Variants in SPOCK3 observed in about 807,000 individuals in gnomAD.
SPOCK3 encodes the protein SPARC (osteonectin), cwcv and kazal like domains proteoglycan 3.
Under a neutral mutation model 56.6 loss-of-function variants are expected in SPOCK3, and 30 were observed. That is an observed-to-expected ratio of 0.53 (90% CI 0.40 to 0.72). The LOEUF (loss-of-function observed/expected upper bound fraction) is 0.72, where lower values mean the gene tolerates loss of function less well. Ranked by LOEUF, SPOCK3 falls within the 30% of genes least tolerant of loss-of-function variation. SPOCK3 has a pLI of 0.00. For missense variants in SPOCK3, 527 were observed against 530.0 expected (o/e 0.99, Z 0.06); for synonymous variants, 196 against 183.3 (o/e 1.07, Z -0.56).
intron 2 of SPOCK3, among the ~76,000 whole-genome samples, chr4:167,188,712 C>A (rs951819569): frequency 6.9e-6 from 1 of 145,846 alleles, no homozygotes; most frequent in Admixed American, 7.0e-5. Context: ...TGTTAAACAT[C>A]CACCAGATTT....
At chr4:166,896,557 G>A (rs939549639) in intron 5 of SPOCK3, among the ~76,000 whole-genome samples, 24 of 152,170 alleles carry the variant, frequency 1.6e-4, no homozygotes, top group African/African-American at 2.9e-4. Flanking sequence ...CACAGGCTGT[G>A]TGGCCTCCCT....
chr4:166,792,032 G>C (rs1320898104), intron 7 of SPOCK3, 138 bp downstream of exon 7: 7 of 957,156 alleles, frequency 7.3e-6, no homozygotes, highest in Non-Finnish European at 1.1e-5. Flanking sequence ...GGTGTGCTTG[G>C]AAGTAATAAC....
At chr4:167,144,756 C>T (rs1439677779) in intron 2 of SPOCK3, among the ~76,000 whole-genome samples, 1 of 126,388 alleles carries the variant, frequency 7.9e-6, no homozygotes, top group African/African-American at 2.8e-5. Flanking sequence ...AAAGGAAACA[C>T]AAGTGCAATT....
At chr4:167,088,224 G>A (rs1758381501) in intron 2 of SPOCK3, among the ~76,000 whole-genome samples, 2 of 151,972 alleles carry the variant, frequency 1.3e-5, no homozygotes, top group African/African-American at 4.8e-5. Context: ...TAAACTTCTG[G>A]GCTCAACCTT....
intron 3 of SPOCK3, among the ~76,000 whole-genome samples, chr4:167,004,798 T>C (rs148324406): frequency 6.6e-6 from 1 of 152,042 alleles, no homozygotes; most frequent in South Asian, 2.1e-4. Flanking sequence ...AATAAGATAT[T>C]TGGTGGTGAG....
At chr4:167,171,284 A>T (rs1392839170) in intron 2 of SPOCK3, among the ~76,000 whole-genome samples, 1 of 152,200 alleles carries the variant, frequency 6.6e-6, no homozygotes, top group Non-Finnish European at 1.5e-5. Context: ...AACTGAAATT[A>T]TGCAGTTTTG....
At chr4:166,789,288 G>T (rs115560817) in intron 7 of SPOCK3, among the ~76,000 whole-genome samples, 2,127 of 152,024 alleles carry the variant, frequency 0.014, 61 homozygotes, top group African/African-American at 0.048. Flanking sequence ...AATAACCCGG[G>T]CGTGGTGATG....
Position 167,116,522 on chromosome 4 carries a change from G to A in SPOCK3, c.190-53985C>T, listed in dbSNP as rs996967788. On this transcript the variant is annotated intron_variant, in intron 2 of 10. Coordinates refer to ENST00000357545, the MANE Select transcript of SPOCK3 (RefSeq NM_001040159.2). Reference sequence around the variant, plus strand: ...TATATATATACACAAATATATATACGTATATGTATATATATATAAAAGTAT... The same window carrying A: ...TATATATATACACAAATATATATACATATATGTATATATATATAAAAGTAT... Among the ~76,000 whole-genome samples the A allele has an allele frequency of 4.2e-4, 49 of 116,934 alleles. 1 individual carries two copies. Among genetic ancestry groups the A allele is most frequent in the African/African-American group, 1.1e-3 (34 of 30,446 alleles). 76.7% of individuals were successfully genotyped at this position (116,934 alleles called of 152,430 possible).
At chr4:167,061,446 A>C (rs1755600838) in intron 3 of SPOCK3, among the ~76,000 whole-genome samples, 1 of 152,032 alleles carries the variant, frequency 6.6e-6, no homozygotes, top group Admixed American at 6.6e-5. Flanking sequence ...ATATATAAGA[A>C]AAAAGTTGTT....
At chr4:167,117,700 C>T (rs937415827) in intron 2 of SPOCK3, among the ~76,000 whole-genome samples, 2 of 152,120 alleles carry the variant, frequency 1.3e-5, no homozygotes, top group Non-Finnish European at 2.9e-5. Context: ...CCAAGGGAGG[C>T]TCTGGGGAGC....
intron 7 of SPOCK3, among the ~76,000 whole-genome samples, chr4:166,774,085 A>G (rs1739259869): frequency 6.6e-6 from 1 of 152,224 alleles, no homozygotes; most frequent in African/African-American, 2.4e-5. Context: ...AATGTTATAT[A>G]ATAATCACAA....
chr4:167,138,682 C>T (rs1763302003), intron 2 of SPOCK3, among the ~76,000 whole-genome samples: 2 of 151,904 alleles, frequency 1.3e-5, no homozygotes, highest in South Asian at 4.1e-4. Context: ...TTGCTCCTTG[C>T]TGCAGTCCCA....
intron 6 of SPOCK3, among the ~76,000 whole-genome samples, chr4:166,824,263 G>A (rs1003530257): frequency 1.3e-5 from 2 of 151,914 alleles, no homozygotes; most frequent in Non-Finnish European, 2.9e-5. Context: ...CAAATCCCTC[G>A]AAGTATTCTA....
At chr4:167,176,708 A>G (rs113843718) in intron 2 of SPOCK3, among the ~76,000 whole-genome samples, 86 of 152,238 alleles carry the variant, frequency 5.6e-4, no homozygotes, top group Non-Finnish European at 3.2e-4. Context: ...AGTGTGATAT[A>G]AAGAAAGGGA....
chr4:166,972,413 C>T (rs1288888774), intron 4 of SPOCK3, among the ~76,000 whole-genome samples: 1 of 152,108 alleles, frequency 6.6e-6, no homozygotes, highest in Non-Finnish European at 1.5e-5. Context: ...CCTCAGCAGA[C>T]TGTCTCAAGT....
At chr4:167,216,125 GTA>G (rs1735329654) in intron 2 of SPOCK3, among the ~76,000 whole-genome samples, 3 of 152,164 alleles carry the variant, frequency 2.0e-5, no homozygotes, top group African/African-American at 4.8e-5. Flanking sequence ...CACCCTCCAA[GTA>G]TATGTTACAA....
At chr4:166,928,426 C>G (rs966301825) in intron 4 of SPOCK3, among the ~76,000 whole-genome samples, 1 of 152,074 alleles carries the variant, frequency 6.6e-6, no homozygotes, top group African/African-American at 2.4e-5. Context: ...CTGGAAGAAG[C>G]CAACCAGGAA....
At chr4:166,960,135 G>A (rs769820013) in intron 4 of SPOCK3, among the ~76,000 whole-genome samples, 2 of 152,114 alleles carry the variant, frequency 1.3e-5, no homozygotes, top group African/African-American at 4.8e-5. Context: ...GATTTGAAAA[G>A]TAAAATCCCT....
At chr4:166,892,633 T>G (rs1380610220) in intron 5 of SPOCK3, among the ~76,000 whole-genome samples, 1 of 151,986 alleles carries the variant, frequency 6.6e-6, no homozygotes, top group Non-Finnish European at 1.5e-5. Context: ...AACTAAAATA[T>G]CACATAAAGG....
Sources: allele counts gnomAD v4.1 joint callset (sites outside exome capture counted in the v4.1 genomes callset), GRCh38; gene constraint gnomAD v4.1.1; transcripts MANE v1.5; gene names NCBI Gene and HGNC (gene_info 2026-07-23, HGNC 2026-07-21).